The following CHAF1B variants were observed in gnomAD, a reference collection of about 807,000 sequenced individuals.
The protein encoded by CHAF1B is CAF-1 subunit B.
Under a neutral mutation model 60.7 loss-of-function variants are expected in CHAF1B, and 10 were observed. The observed-to-expected ratio is 0.16, with a 90% CI of 0.10 to 0.28. The LOEUF (loss-of-function observed/expected upper bound fraction) is 0.28. Among genes scored for constraint, CHAF1B ranks in the 10% least tolerant of loss-of-function variants. The pLI is 1.00. For missense variants in CHAF1B, 558 were observed against 708.4 expected, an observed-to-expected ratio of 0.79 and a Z score of 2.41; for synonymous variants, 261 against 266.1, an observed-to-expected ratio of 0.98 and a Z score of 0.19.
intron 4 of CHAF1B, among the ~76,000 whole-genome samples, chr21:36,391,907 A>ATTTTTTTTTTTTTT (rs55920360): frequency 1.3e-4 from 9 of 67,050 alleles, no homozygotes; most frequent in African/African-American, 4.0e-4. Flanking sequence ...TGATTTTTAA[A>ATTTTTTTTTTTTTT]TTTTTTTTTT....
At chr21:36,402,629 GA>G in intron 7 of CHAF1B, 128 bp from the exon 8 acceptor site, 1 of 690,230 alleles carries the variant, frequency 1.4e-6, no homozygotes, top group Admixed American at 2.4e-5. Context: ...ACTATGTAAA[GA>G]AAACCATAGG....
In CHAF1B at chr21:36,397,498, C is replaced by G; in HGVS notation, c.565C>G (p.Leu189Val). 6.5e-7 allele frequency: 1 copy of G among 1,530,498 alleles called. No homozygotes were observed. Among genetic ancestry groups the G allele is most frequent in the Non-Finnish European group, 8.9e-7 (1 of 1,124,244 alleles). 94.8% of individuals were successfully genotyped at this position (1,530,498 alleles called of 1,614,324 possible). ...WDPLGQYVATLSCDRVLRVYS... is the reference protein window; with the variant it reads ...WDPLGQYVATVSCDRVLRVYS... ...CCCTTTGGGTCAATATGTTGCTACT[C>G]TGAGCTGTGACAGGTAAATTCAGCT... is the stretch of plus-strand genomic sequence containing the variant. Residue 189 changes from leucine to valine, a missense_variant, in exon 6 of 14, where the codon CTG (leucine) becomes GTG (valine). Physicochemically the swap from Leu to Val is conservative, Grantham distance 32 (BLOSUM62 1). Around this residue, in one of 2 missense-constraint regions of CHAF1B, gnomAD observed 325 missense variants for 493.5 expected, o/e 0.66. Coordinates refer to ENST00000314103, the MANE Select transcript of CHAF1B (RefSeq NM_005441.3).
At chr21:36,388,965 A>C (rs921622243) in intron 3 of CHAF1B, 1 of 152,218 alleles carries the variant, frequency 6.6e-6, no homozygotes, top group African/African-American at 2.4e-5. Flanking sequence ...ACACTGTGGA[A>C]ACCCCCGCAA....
intron 3 of CHAF1B, among the ~76,000 whole-genome samples, chr21:36,389,800 T>TGGGCGCGC: frequency 8.0e-6 from 1 of 124,746 alleles, no homozygotes. Context: ...TGTGTGTGTG[T>TGGGCGCGC]GCGCGCGCAC....
At chr21:36,400,218 G>A (rs1439553487) in intron 7 of CHAF1B, among the ~76,000 whole-genome samples, 1 of 151,978 alleles carries the variant, frequency 6.6e-6, no homozygotes, top group East Asian at 1.9e-4. Context: ...GATGGCTCAT[G>A]CCTGTAATCC....
chr21:36,412,642 G>A (rs1444098036), intron 11 of CHAF1B: 10 of 470,706 alleles, frequency 2.1e-5, no homozygotes, highest in Non-Finnish European at 3.5e-5. Flanking sequence ...GATTACAGGC[G>A]TGAGCCACCG....
rs767469369 is a variant in CHAF1B at position 36,413,174 on chromosome 21, C to T, written c.1352C>T (p.Ser451Phe). 50 of 1,613,970 alleles carry T rather than the reference C, an allele frequency of 3.1e-5. 1 individual carries two copies. In the South Asian group the frequency reaches 5.5e-4, roughly 18 times the overall value. The change falls in exon 12 of 14, where the codon TCC becomes TTC. Residue 451 changes from serine (S) to phenylalanine (F), a missense_variant. Transcript: ENST00000314103. ...CCAACAGTCATCAGGGACCCTCCCT[C>T]CATCACTCCTGCTGTCAAAAGCCCC... ...PAPTVIRDPPSITPAVKSPLP... is the reference protein window; with the variant it reads ...PAPTVIRDPPFITPAVKSPLP...
intron 8 of CHAF1B, among the ~76,000 whole-genome samples, chr21:36,407,888 G>A (rs1265723193): frequency 3.3e-5 from 5 of 151,994 alleles, no homozygotes; most frequent in Admixed American, 6.6e-5. Context: ...TGAGGCAGGG[G>A]AATTGCTTGA....
At position 36,385,397 on chromosome 21, in the gene CHAF1B, G is replaced by T. The variant is rs1419034000; in HGVS notation, c.-132G>T. 6.6e-6 allele frequency: 1 copy of T among 152,146 alleles called. No individual in the cohort carries two copies. Among genetic ancestry groups the T allele is most frequent in the Admixed American group, 6.5e-5 (1 of 15,272 alleles). 9.4% of individuals were successfully genotyped at this position (152,146 alleles called of 1,614,324 possible). A position where few individuals can be genotyped will look rare whatever the true frequency, so the allele number is the denominator to read the frequency against. On this transcript the variant is annotated 5_prime_UTR_variant, in exon 1 of 14. Coordinates refer to ENST00000314103, the MANE Select transcript of CHAF1B (RefSeq NM_005441.3). The stretch of plus-strand genomic sequence containing the variant: ...GGGCGGGGCCTGCGGCGCGCGGGAA[G>T]CGGCGCGCGCTGCGCGGGAGGTGAC...
chr21:36,412,984 C>T lies in CHAF1B; in HGVS notation c.1162C>T (p.Pro388Ser). 1.2e-6 allele frequency: 2 copies of T among 1,614,160 alleles called. No individual in the cohort carries two copies. Among genetic ancestry groups the T allele is most frequent in the Non-Finnish European group, 1.7e-6 (2 of 1,180,030 alleles). ...ACTTGGAATTCCTTTGAAAGAGAAG[C>T]CAGTTTTGAACATGAGAACTCCTGA... Reference protein sequence around the residue: ...DELGIPLKEKPVLNMRTPDTA... With the variant: ...DELGIPLKEKSVLNMRTPDTA... Residue 388 changes from proline (P) to serine (S), a missense_variant, in exon 12 of 14, where the codon CCA becomes TCA. Pro to Ser is a moderately conservative substitution (Grantham distance 74). Transcript: ENST00000314103.
rs117217082 is a variant in CHAF1B, at chr21:36,414,801, C to T, written c.1494-494C>T. Among the ~76,000 whole-genome samples the T allele has an allele frequency of 5.7e-3, 867 of 152,186 alleles. 2 individuals are homozygous for T. Among genetic ancestry groups the T allele is most frequent in the Non-Finnish European group, 9.6e-3 (651 of 68,010 alleles). Reference sequence around the variant, plus strand: ...TGACTTTTTGCATTTTTAGTAGAGACGAGGTTTTGCCATGTTGGTCAAGCT... The same window carrying T: ...TGACTTTTTGCATTTTTAGTAGAGATGAGGTTTTGCCATGTTGGTCAAGCT... On this transcript the variant is annotated intron_variant, in intron 12 of 13. Transcript: ENST00000314103.
At chr21:36,412,650 C>G (rs2086286996) in intron 11 of CHAF1B, 1 of 500,020 alleles carries the variant, frequency 2.0e-6, no homozygotes, top group South Asian at 2.2e-5. Flanking sequence ...GCGTGAGCCA[C>G]CGCACCCGGC....
At chr21:36,394,470 A>G (rs1347654306) in intron 4 of CHAF1B, 77 bp from the exon 5 acceptor site, 2 of 1,031,780 alleles carry the variant, frequency 1.9e-6, no homozygotes, top group East Asian at 2.4e-5. Flanking sequence ...TTGGCCTCCC[A>G]AAGTGCTGGG....
intron 7 of CHAF1B, among the ~76,000 whole-genome samples, chr21:36,401,705 A>G (rs1282808998): frequency 6.9e-6 from 1 of 145,968 alleles, no homozygotes; most frequent in Non-Finnish European, 1.5e-5. Context: ...ATATATATGA[A>G]TAGTAATGCC....
intron 6 of CHAF1B, among the ~76,000 whole-genome samples, chr21:36,398,988 C>T (rs1337680733): frequency 6.6e-6 from 1 of 151,190 alleles, no homozygotes; most frequent in Non-Finnish European, 1.5e-5. Flanking sequence ...TTCAGACAGT[C>T]ATCAGTAAAA....
rs140663225 is a variant in CHAF1B at position 36,409,420 on chromosome 21, C to T, written c.874C>T (p.Arg292Cys). 9.3e-6 allele frequency: 15 copies of T among 1,613,758 alleles called. No individual in the cohort carries two copies. The highest frequency in any genetic ancestry group is 2.7e-5 in the African/African-American group (2 of 74,930). Residue 292 changes from arginine to cysteine, a missense_variant, in exon 10 of 14, where the codon CGC becomes TGC. Around this residue, in one of 2 missense-constraint regions of CHAF1B, gnomAD observed 325 missense variants for 493.5 expected, o/e 0.66. Coordinates refer to ENST00000314103, the MANE Select transcript of CHAF1B (RefSeq NM_005441.3). ...TCCTGGAAAAGCCACTCTTGCTGTT[C>T]GCTGCTGTCCGGTCTACTTTGAACT... Reference protein sequence around the residue: ...PCPGKATLAVRCCPVYFELRP... With the variant: ...PCPGKATLAVCCCPVYFELRP...
chr21:36,403,455 TAAAA>T (rs71326686), intron 8 of CHAF1B, among the ~76,000 whole-genome samples: 58 of 77,464 alleles, frequency 7.5e-4, no homozygotes, highest in African/African-American at 2.2e-3. Context: ...ATATCTTATC[TAAAA>T]AAAAAAAAAA....
rs1283919337 is a variant in CHAF1B at position 36,414,394 on chromosome 21, C to T, written c.1494-901C>T. Among the ~76,000 whole-genome samples, 6 of 152,298 alleles carry T rather than the reference C, an allele frequency of 3.9e-5. No homozygotes were observed. The East Asian group carries it at 7.7e-4, about 20-fold the overall frequency. ...TATGTGTATGGGTTGCTGGCTTTAA[C>T]GCCCTCTTAAAATCTCTCATTTCTT... is the stretch of plus-strand genomic sequence containing the variant. On this transcript the variant is annotated intron_variant, in intron 12 of 13. Transcript: ENST00000314103.
At chr21:36,397,782 C>T (rs1217509526) in intron 6 of CHAF1B, 1 of 185,216 alleles carries the variant, frequency 5.4e-6, no homozygotes, top group African/African-American at 2.4e-5. Flanking sequence ...TGTTGTGGCG[C>T]AATCTCACAA....
Sources: gnomAD v4.1 joint callset for allele counts (sites outside exome capture counted in the v4.1 genomes callset) on GRCh38, gnomAD v4.1.1 for gene constraint, gnomAD v4.1.1 regional missense constraint, MANE v1.5 for transcripts, NCBI Gene and HGNC (gene_info 2026-07-23, HGNC 2026-07-21) for gene names.